Variants in PKP4 observed in about 807,000 individuals in gnomAD.
PKP4 encodes the protein plakophilin 4, also known as plakophilin-4.
Under a neutral mutation model 145.1 loss-of-function variants are expected in PKP4, and 90 were observed. The observed-to-expected ratio is 0.62, with a 90% CI of 0.52 to 0.74. The LOEUF is 0.74. Ranked by LOEUF, PKP4 falls within the 30% of genes least tolerant of loss-of-function variation. The pLI is 0.00. For missense variants in PKP4, 1,340 were observed against 1,482.7 expected (o/e 0.90, Z 1.58); for synonymous variants, 563 against 577.2 (o/e 0.98, Z 0.35).
At chr2:158,517,754 A>C (rs1454953956) in intron 1 of PKP4, among the ~76,000 whole-genome samples, 1 of 93,554 alleles carries the variant, frequency 1.1e-5, no homozygotes, top group Non-Finnish European at 3.0e-5. Context: ...CCGACTCTAC[A>C]AAAAAAAAAA....
intron 7 of PKP4, among the ~76,000 whole-genome samples, chr2:158,629,326 TAATGACAG>T (rs1390497517): frequency 6.6e-6 from 1 of 152,134 alleles, no homozygotes; most frequent in African/African-American, 2.4e-5. Flanking sequence ...ATTGGGTGTA[TAATGACAG>T]AACACTGACC....
chr2:158,583,141 A>T (rs1359143115), intron 3 of PKP4, among the ~76,000 whole-genome samples: 1 of 152,196 alleles, frequency 6.6e-6, no homozygotes, highest in Non-Finnish European at 1.5e-5. Context: ...GGGCTAAGCA[A>T]CATCCTTCAA....
chr2:158,626,212 T>G (rs2105902650), intron 7 of PKP4, among the ~76,000 whole-genome samples: 1 of 152,364 alleles, frequency 6.6e-6, no homozygotes, highest in Non-Finnish European at 1.5e-5. Context: ...GATGTGGCTT[T>G]CAGAATGTTT....
At chr2:158,509,690 G>A (rs1371047119) in intron 1 of PKP4, among the ~76,000 whole-genome samples, 1 of 152,234 alleles carries the variant, frequency 6.6e-6, no homozygotes, top group African/African-American at 2.4e-5. Context: ...GCTCACGCCT[G>A]TAATCCCAGC....
intron 21 of PKP4, among the ~76,000 whole-genome samples, chr2:158,679,768 C>A (rs766259309): frequency 6.6e-6 from 1 of 152,212 alleles, no homozygotes; most frequent in Non-Finnish European, 1.5e-5. Context: ...CTTGGGGAAG[C>A]CTTTTCCTCT....
intron 11 of PKP4, among the ~76,000 whole-genome samples, chr2:158,649,547 G>T (rs1344819828): frequency 6.6e-6 from 1 of 152,186 alleles, no homozygotes; most frequent in African/African-American, 2.4e-5. Context: ...GGAAGTCTAT[G>T]AAACGTGATT....
intron 1 of PKP4, among the ~76,000 whole-genome samples, chr2:158,473,844 C>T (rs1267937656): frequency 6.6e-6 from 1 of 152,064 alleles, no homozygotes; most frequent in Non-Finnish European, 1.5e-5. Context: ...CAGATTGTAT[C>T]TTAGCTTATT....
At chr2:158,661,858 A>C (rs2056618130) in intron 13 of PKP4, 1 of 175,068 alleles carries the variant, frequency 5.7e-6, no homozygotes, top group African/African-American at 2.4e-5. Flanking sequence ...TGCAGTCCAC[A>C]GTCCCCACCC....
chr2:158,584,159 A>G (rs866942071), intron 3 of PKP4, among the ~76,000 whole-genome samples: 1 of 152,322 alleles, frequency 6.6e-6, no homozygotes, highest in East Asian at 1.9e-4. Flanking sequence ...TCCGAGGCCA[A>G]CCGAGGGTCT....
intron 2 of PKP4, among the ~76,000 whole-genome samples, chr2:158,538,354 A>G (rs1249989863): frequency 2.0e-5 from 3 of 152,164 alleles, no homozygotes; most frequent in Non-Finnish European, 4.4e-5. Flanking sequence ...AGAGAACAAT[A>G]TGGCCAATCA....
intron 3 of PKP4, among the ~76,000 whole-genome samples, chr2:158,580,371 C>A (rs1041354055): frequency 6.6e-6 from 1 of 151,970 alleles, no homozygotes; most frequent in African/African-American, 2.4e-5. Flanking sequence ...ATGGGTCATG[C>A]AGAAATGGGA....
intron 3 of PKP4, among the ~76,000 whole-genome samples, chr2:158,590,762 G>A (rs1002028893): frequency 3.9e-5 from 6 of 152,032 alleles, no homozygotes; most frequent in Admixed American, 1.3e-4. Context: ...GTAGAACTTC[G>A]CAACCACTAA....
intron 3 of PKP4, among the ~76,000 whole-genome samples, chr2:158,602,229 ATCTGACCAGGAG>A (rs1413538593): frequency 6.6e-6 from 1 of 152,174 alleles, no homozygotes; most frequent in Admixed American, 6.5e-5. Flanking sequence ...CGAGTTTGGA[ATCTGACCAGGAG>A]TCCTGGGTGT....
Position 158,564,447 on chromosome 2 carries a change from A to G in PKP4, c.133-12824A>G, listed in dbSNP as rs146904058. 6.6e-4 allele frequency among the ~76,000 whole-genome samples: 101 copies of G among 152,312 alleles called. 1 individual carries two copies. In the East Asian group the frequency reaches 0.018, roughly 27 times the overall value. Reference sequence around the variant, plus strand: ...TGGATGGACATTCAAATTGTTTCAAATGATGCTGCAATTACTGTTTAATAT... The same window carrying G: ...TGGATGGACATTCAAATTGTTTCAAGTGATGCTGCAATTACTGTTTAATAT... On this transcript the variant is annotated intron_variant, in intron 2 of 21. Transcript: ENST00000389759.
In PKP4 at chr2:158,627,865, T is replaced by TA. The variant is rs1445124358; in HGVS notation, c.1153+2440dup. 2.0e-5 allele frequency among the ~76,000 whole-genome samples: 3 copies of TA among 151,826 alleles called. No individual in the cohort carries two copies. In the East Asian group the frequency reaches 5.8e-4, roughly 29 times the overall value. On this transcript the variant is annotated intron_variant, in intron 7 of 21. Coordinates refer to ENST00000389759, the MANE Select transcript of PKP4 (RefSeq NM_003628.6). ...AAATAGAAAGTATTGGTTGGATAAA[T>TA]AATGCAGTGGCGTATCAGTGTTTTC...
chr2:158,468,727 T>C (rs1457368610), intron 1 of PKP4, among the ~76,000 whole-genome samples: 1 of 151,606 alleles, frequency 6.6e-6, no homozygotes, highest in East Asian at 1.9e-4. Context: ...GATTGTTTCA[T>C]TCCTAGAAGA....
intron 1 of PKP4, among the ~76,000 whole-genome samples, chr2:158,505,195 A>G (rs2040859319): frequency 1.3e-5 from 2 of 152,226 alleles, no homozygotes; most frequent in African/African-American, 2.4e-5. Flanking sequence ...TTAGCCATAC[A>G]GGTATAGGAA....
intron 1 of PKP4, among the ~76,000 whole-genome samples, chr2:158,513,649 C>A (rs2041702751): frequency 2.0e-5 from 3 of 152,194 alleles, no homozygotes; most frequent in Admixed American, 2.0e-4. Flanking sequence ...AACTTTTACT[C>A]TCCTGACTCC....
chr2:158,657,930 T>G (rs754007463), intron 11 of PKP4, among the ~76,000 whole-genome samples: 1 of 152,154 alleles, frequency 6.6e-6, no homozygotes, highest in Non-Finnish European at 1.5e-5. Context: ...GGGTGAATAT[T>G]AAGAATTTGT....
Sources: gnomAD v4.1 joint callset for allele counts (sites outside exome capture counted in the v4.1 genomes callset) on GRCh38, gnomAD v4.1.1 for gene constraint, MANE v1.5 for transcripts, NCBI Gene and HGNC (gene_info 2026-07-23, HGNC 2026-07-21) for gene names.